Variants in IYD observed in about 807,000 individuals in gnomAD.
IYD encodes iodotyrosine deiodinase 1.
In IYD, 25 loss-of-function variants were observed where a neutral mutation model predicts 28.4. The observed-to-expected ratio is 0.88, with a 90% CI of 0.64 to 1.23. The LOEUF is 1.23. IYD is among the 50% of genes most tolerant of loss of function. The pLI is 0.00. For synonymous variants in IYD, 140 were observed against 130.8 expected, an observed-to-expected ratio of 1.07 and a Z score of -0.48; for missense variants, 352 against 357.9, an observed-to-expected ratio of 0.98 and a Z score of 0.13.
intron 1 of IYD, among the ~76,000 whole-genome samples, chr6:150,387,388 C>A (rs1343140072): frequency 6.7e-6 from 1 of 149,794 alleles, no homozygotes; most frequent in African/African-American, 2.5e-5. Flanking sequence ...TAGCAAGACC[C>A]CATTTCTAAT....
At position 150,392,512 on chromosome 6, in the gene IYD, C is replaced by G; in HGVS notation, c.530+8C>G. ...AGACCTCAAGAAACTGAGGTACAAA[C>G]AGTGGTGGAACTGGGGATGTTTGCC... On this transcript the variant is annotated splice_region_variant and intron_variant, in intron 3 of 4. Coordinates refer to ENST00000344419, the MANE Select transcript of IYD (RefSeq NM_203395.3). 6.2e-7 allele frequency: 1 copy of G among 1,613,674 alleles called. No individual in the cohort carries two copies. The highest frequency in any genetic ancestry group is 8.5e-7 in the Non-Finnish European group (1 of 1,179,780).
At chr6:150,391,160 C>A (rs1368332828) in intron 2 of IYD, among the ~76,000 whole-genome samples, 1 of 151,610 alleles carries the variant, frequency 6.6e-6, no homozygotes, top group Non-Finnish European at 1.5e-5. Flanking sequence ...TCGCTTGAAC[C>A]CGGGAGGTGG....
In IYD at chr6:150,398,694, T is replaced by G. The variant is rs900294908; in HGVS notation, c.*457T>G. ...CTAATTTTTGAGAACTACTTTTTTT[T>G]TTTTACCAAACTTCAGGGACACTCT... On this transcript the variant is annotated 3_prime_UTR_variant, in exon 5 of 5. Coordinates refer to ENST00000344419, the MANE Select transcript of IYD (RefSeq NM_203395.3). 1.3e-5 allele frequency: 2 copies of G among 158,626 alleles called. No homozygotes were observed. Among genetic ancestry groups the G allele is most frequent in the Non-Finnish European group, 2.8e-5 (2 of 72,106 alleles). The allele number at this position is 158,626 out of a possible 1,614,324, so 9.8% of individuals were successfully genotyped here.
At chr6:150,373,562 G>A (rs1327348567) in intron 1 of IYD, among the ~76,000 whole-genome samples, 2 of 152,176 alleles carry the variant, frequency 1.3e-5, no homozygotes, top group Non-Finnish European at 2.9e-5. Flanking sequence ...GAGTCTCTGG[G>A]GATTAGCAGG....
At chr6:150,384,683 A>G (rs937537062) in intron 1 of IYD, 4 of 152,212 alleles carry the variant, frequency 2.6e-5, no homozygotes, top group Non-Finnish European at 5.9e-5. Flanking sequence ...TCATGAGCTT[A>G]AGTGAAATGA....
chr6:150,387,788 T>C (rs1777933082), intron 1 of IYD, among the ~76,000 whole-genome samples: 1 of 152,130 alleles, frequency 6.6e-6, no homozygotes, highest in Non-Finnish European at 1.5e-5. Flanking sequence ...CTCTATTTTT[T>C]CAGATTGTTT....
chr6:150,378,253 T>A (rs11962445), intron 1 of IYD, among the ~76,000 whole-genome samples: 81,555 of 145,184 alleles, frequency 0.56, 23,624 homozygotes, highest in African/African-American at 0.6. Context: ...TATGTATACA[T>A]GTGCCATGCT....
chr6:150,394,193 G>A lies in IYD; in HGVS notation c.625G>A (p.Val209Ile). ...HGFAANGKKKVHYYNEISVSI... is the reference protein window; with the variant it reads ...HGFAANGKKKIHYYNEISVSI... ...TTTCGCCGCAAATGGCAAGAAAAAA[G>A]TCCACTACTACAATGAGATCAGTGT... The change falls in exon 4 of 5, where the codon GTC becomes ATC. Residue 209 changes from valine to isoleucine, a missense_variant. Val to Ile is a conservative substitution (Grantham distance 29). Coordinates refer to ENST00000344419, the MANE Select transcript of IYD (RefSeq NM_203395.3). The A allele has an allele frequency of 6.2e-7, 1 of 1,614,182 alleles. No homozygotes were observed. The highest frequency in any genetic ancestry group is 2.2e-5 in the East Asian group (1 of 44,882).
intron 1 of IYD, among the ~76,000 whole-genome samples, chr6:150,376,216 GA>G (rs1777438897): frequency 6.6e-6 from 1 of 152,110 alleles, no homozygotes; most frequent in Non-Finnish European, 1.5e-5. Flanking sequence ...TCCTGCTAGC[GA>G]AATATGAAAA....
chr6:150,383,571 A>T (rs1323897788), intron 1 of IYD, among the ~76,000 whole-genome samples: 1 of 152,138 alleles, frequency 6.6e-6, no homozygotes, highest in African/African-American at 2.4e-5. Context: ...AAAATTCTCT[A>T]ATTAACCACT....
rs1451243607 is a variant in IYD, at chr6:150,404,530, C to T, written c.*6293C>T. Reference sequence around the variant, plus strand: ...TTAATTGGTTATAATCTTGTCATATCAATGATTTGAAGTGCTAAAATAGAA... The same window carrying T: ...TTAATTGGTTATAATCTTGTCATATTAATGATTTGAAGTGCTAAAATAGAA... On this transcript the variant is annotated 3_prime_UTR_variant, in exon 5 of 5. Transcript: ENST00000344419. 1 of 152,070 alleles carries T rather than the reference C, an allele frequency of 6.6e-6. No homozygotes were observed. Among genetic ancestry groups the T allele is most frequent in the Non-Finnish European group, 1.5e-5 (1 of 68,012 alleles). 9.4% of individuals were successfully genotyped at this position (152,070 alleles called of 1,614,324 possible).
chr6:150,381,032 T>A (rs952563881), intron 1 of IYD, among the ~76,000 whole-genome samples: 2 of 152,192 alleles, frequency 1.3e-5, no homozygotes, highest in African/African-American at 4.8e-5. Flanking sequence ...TCTTCCCTCA[T>A]CAGCCTGGTG....
intron 4 of IYD, among the ~76,000 whole-genome samples, chr6:150,394,978 C>T (rs1778258345): frequency 6.6e-6 from 1 of 152,152 alleles, no homozygotes; most frequent in Non-Finnish European, 1.5e-5. Flanking sequence ...TAGGCAGGCA[C>T]CACCATGCTA....
chr6:150,395,534 C>A, intron 4 of IYD: 1 of 1,537,342 alleles, frequency 6.5e-7, no homozygotes, highest in African/African-American at 1.4e-5. Context: ...AGCAGCGAAG[C>A]CTGCAGCAAG....
At chr6:150,384,696 A>G (rs1368974365) in intron 1 of IYD, 2 of 152,228 alleles carry the variant, frequency 1.3e-5, no homozygotes, top group South Asian at 2.1e-4. Flanking sequence ...TGAAATGAAG[A>G]AACAGTATTC....
intron 1 of IYD, chr6:150,370,155 A>ATGTGAGTGTG: frequency 3.0e-6 from 2 of 664,102 alleles, no homozygotes. Flanking sequence ...CCACCTGGAC[A>ATGTGAGTGTG]TGTGAGTGTG....
chr6:150,386,612 G>A (rs76211900), intron 1 of IYD, among the ~76,000 whole-genome samples: 2,553 of 151,802 alleles, frequency 0.017, 65 homozygotes, highest in African/African-American at 0.059. Flanking sequence ...TATCATTACC[G>A]AAAGAGATGC....
At chr6:150,388,382 C>G (rs1289112092) in intron 1 of IYD, among the ~76,000 whole-genome samples, 1 of 152,092 alleles carries the variant, frequency 6.6e-6, no homozygotes. Context: ...AAAAAATGTA[C>G]CTTCTGCACT....
chr6:150,395,439 C>T (rs1778275943), intron 4 of IYD: 1 of 1,537,040 alleles, frequency 6.5e-7, no homozygotes. Flanking sequence ...GATTTCCTTC[C>T]TGAATCTGTA....
Sources: gnomAD v4.1 joint callset for allele counts (sites outside exome capture counted in the v4.1 genomes callset) on GRCh38, gnomAD v4.1.1 for gene constraint, MANE v1.5 for transcripts, NCBI Gene and HGNC (gene_info 2026-07-23, HGNC 2026-07-21) for gene names.